The following BRINP3 variants were observed in gnomAD, a reference collection of about 807,000 sequenced individuals.
BRINP3 encodes BMP/retinoic acid inducible neural specific 3.
BRINP3 carries 19 observed loss-of-function variants against 71.0 expected under a neutral mutation model. The ratio of observed to expected loss-of-function variants is 0.27; its 90% CI spans 0.19 to 0.39. The LOEUF is 0.39. Among genes scored for constraint, BRINP3 ranks in the 10% least tolerant of loss-of-function variants. BRINP3 has a pLI of 1.00. For missense variants in BRINP3, 959 were observed against 940.8 expected, an observed-to-expected ratio of 1.02 and a Z score of -0.25; for synonymous variants, 380 against 337.7, an observed-to-expected ratio of 1.13 and a Z score of -1.37.
chr1:190,300,540 G>C (rs1469165960), intron 2 of BRINP3, among the ~76,000 whole-genome samples: 2 of 152,146 alleles, frequency 1.3e-5, no homozygotes, highest in Non-Finnish European at 2.9e-5. Context: ...TGACAGATTT[G>C]AAGAGAGCAG....
At chr1:190,387,949 G>A (rs1671017469) in intron 2 of BRINP3, among the ~76,000 whole-genome samples, 1 of 151,488 alleles carries the variant, frequency 6.6e-6, no homozygotes. Context: ...AAACTATTGT[G>A]GTCAGAGCAA....
chr1:190,137,505 C>A, intron 7 of BRINP3, among the ~76,000 whole-genome samples: 1 of 148,712 alleles, frequency 6.7e-6, no homozygotes, highest in Non-Finnish European at 1.5e-5. Context: ...GAAGGAAGTA[C>A]AATACAAGAA....
intron 7 of BRINP3, among the ~76,000 whole-genome samples, chr1:190,137,331 T>C (rs536008602): frequency 2.0e-5 from 3 of 151,680 alleles, no homozygotes; most frequent in East Asian, 3.9e-4. Flanking sequence ...CTGATTGCCA[T>C]GTGAAGGAAA....
intron 2 of BRINP3, among the ~76,000 whole-genome samples, chr1:190,345,572 G>A (rs1667963694): frequency 6.6e-6 from 1 of 151,104 alleles, no homozygotes; most frequent in African/African-American, 2.4e-5. Context: ...ATTAGAATTA[G>A]GAAAACATGA....
At chr1:190,155,867 T>TC (rs528418823) in intron 7 of BRINP3, among the ~76,000 whole-genome samples, 178 of 151,824 alleles carry the variant, frequency 1.2e-3, no homozygotes, top group Non-Finnish European at 2.0e-3. Context: ...TTTCCTGCAG[T>TC]CCCCCCAGCC....
At chr1:190,173,722 A>G (rs1652236668) in intron 6 of BRINP3, among the ~76,000 whole-genome samples, 1 of 152,200 alleles carries the variant, frequency 6.6e-6, no homozygotes, top group Non-Finnish European at 1.5e-5. Context: ...ATTAATGTAA[A>G]CCATTTCATA....
At chr1:190,262,469 T>C (rs1661269439) in intron 4 of BRINP3, among the ~76,000 whole-genome samples, 1 of 152,158 alleles carries the variant, frequency 6.6e-6, no homozygotes, top group Non-Finnish European at 1.5e-5. Context: ...CTTTTTTCCT[T>C]AGTTACAGCA....
intron 4 of BRINP3, among the ~76,000 whole-genome samples, chr1:190,239,572 G>A (rs1016235896): frequency 6.6e-6 from 1 of 152,016 alleles, no homozygotes; most frequent in Non-Finnish European, 1.5e-5. Context: ...TTTAATCTAG[G>A]ACATGGTTGC....
intron 2 of BRINP3, among the ~76,000 whole-genome samples, chr1:190,430,547 T>C (rs1304877517): frequency 6.6e-6 from 1 of 152,108 alleles, no homozygotes; most frequent in Non-Finnish European, 1.5e-5. Flanking sequence ...AGTCCCAATT[T>C]TGGGTAGAGA....
At position 190,426,133 on chromosome 1, in the gene BRINP3, C is replaced by T. The variant is rs546200740; in HGVS notation, c.236+28522G>A. Among the ~76,000 whole-genome samples the T allele has an allele frequency of 9.4e-4, 142 of 151,612 alleles. 1 individual carries two copies. The highest frequency in any genetic ancestry group is 1.5e-3 in the Non-Finnish European group (100 of 67,730). ...TCATATATATCCTTTATTTTGGAAA[C>T]GTGTAATGAAAAAATATATATCCAA... On this transcript the variant is annotated intron_variant, in intron 2 of 7. Transcript: ENST00000367462.
chr1:190,174,998 G>GA (rs1020410447), intron 6 of BRINP3, among the ~76,000 whole-genome samples: 4 of 152,054 alleles, frequency 2.6e-5, no homozygotes, highest in Non-Finnish European at 5.9e-5. Context: ...TATCCTTTGT[G>GA]AAGAACCCTG....
intron 2 of BRINP3, among the ~76,000 whole-genome samples, chr1:190,370,912 T>C (rs1229542045): frequency 6.6e-6 from 1 of 152,232 alleles, no homozygotes; most frequent in African/African-American, 2.4e-5. Context: ...TTAATAATTT[T>C]AATTTGATGA....
At chr1:190,423,445 C>T (rs572977200) in intron 2 of BRINP3, among the ~76,000 whole-genome samples, 12 of 151,858 alleles carry the variant, frequency 7.9e-5, no homozygotes, top group African/African-American at 2.9e-4. Flanking sequence ...ATTAAATAAA[C>T]ATTATAAATA....
In BRINP3 at chr1:190,459,499, G is replaced by T. The variant is rs75611443; in HGVS notation, c.-50-4559C>A. On this transcript the variant is annotated intron_variant, in intron 1 of 7. Coordinates refer to ENST00000367462, the MANE Select transcript of BRINP3 (RefSeq NM_199051.3). Reference sequence around the variant, plus strand: ...TTTCCAGTAGAACTGAAACTACAAAGATATAAACAAAATATTCGGAATCAC... The same window carrying T: ...TTTCCAGTAGAACTGAAACTACAAATATATAAACAAAATATTCGGAATCAC... Among the ~76,000 whole-genome samples, 1,184 of 151,800 alleles carry T rather than the reference G, an allele frequency of 7.8e-3. 20 individuals carry two copies. Among genetic ancestry groups the T allele is most frequent in the African/African-American group, 0.027 (1,136 of 41,460 alleles).
chr1:190,349,382 A>C (rs1458995692), intron 2 of BRINP3, among the ~76,000 whole-genome samples: 1 of 152,100 alleles, frequency 6.6e-6, no homozygotes, highest in Non-Finnish European at 1.5e-5. Flanking sequence ...GAGAAACAGG[A>C]GGTATTAATT....
chr1:190,275,962 TAGAG>T (rs1553276361), intron 3 of BRINP3, among the ~76,000 whole-genome samples: 1 of 147,316 alleles, frequency 6.8e-6, no homozygotes, highest in Admixed American at 6.9e-5. Flanking sequence ...TATATATATA[TAGAG>T]AGAGAGAGAC....
chr1:190,116,158 T>C (rs934662556), intron 7 of BRINP3, among the ~76,000 whole-genome samples: 1 of 152,110 alleles, frequency 6.6e-6, no homozygotes, highest in Non-Finnish European at 1.5e-5. Context: ...TATGCTACAA[T>C]AGATTCTGGC....
intron 2 of BRINP3, among the ~76,000 whole-genome samples, chr1:190,404,028 G>C (rs529864784): frequency 6.6e-6 from 1 of 152,246 alleles, no homozygotes; most frequent in South Asian, 2.1e-4. Flanking sequence ...TCAATCTTCA[G>C]AAAAAGTTCT....
At chr1:190,169,054 G>A (rs1042025215) in intron 6 of BRINP3, among the ~76,000 whole-genome samples, 2 of 152,058 alleles carry the variant, frequency 1.3e-5, no homozygotes, top group Non-Finnish European at 2.9e-5. Context: ...TGTGCCACAG[G>A]ACATATTTTG....
Sources: gnomAD v4.1 joint callset for allele counts (sites outside exome capture counted in the v4.1 genomes callset) on GRCh38, gnomAD v4.1.1 for gene constraint, MANE v1.5 for transcripts, NCBI Gene and HGNC (gene_info 2026-07-23, HGNC 2026-07-21) for gene names.